ATF7IP2: variants seen among roughly 807,000 people sequenced by gnomAD.
ATF7IP2 encodes activating transcription factor 7 interacting protein 2, also known as activating transcription factor 7-interacting protein 2.
In ATF7IP2, 42 loss-of-function variants were observed where a neutral mutation model predicts 64.2. That is an observed-to-expected ratio of 0.65 (90% CI 0.51 to 0.85). The LOEUF is 0.85. ATF7IP2 is among the 40% of genes least tolerant of loss of function. The probability of loss-of-function intolerance (pLI) is 0.00; values close to 1 mark genes in which losing one functional copy is unlikely to be tolerated. For synonymous variants in ATF7IP2, 308 were observed against 272.8 expected, an observed-to-expected ratio of 1.13 and a Z score of -1.27; for missense variants, 933 against 784.2, an observed-to-expected ratio of 1.19 and a Z score of -2.27.
chr16:10,405,626 G>A (rs1048169469), intron 1 of ATF7IP2, among the ~76,000 whole-genome samples: 6 of 152,020 alleles, frequency 3.9e-5, no homozygotes, highest in Admixed American at 1.3e-4. Context: ...ACATCCTGCC[G>A]GACAAAAAGG....
intron 3 of ATF7IP2, among the ~76,000 whole-genome samples, chr16:10,428,441 A>C (rs1567447439): frequency 6.6e-6 from 1 of 152,194 alleles, no homozygotes; most frequent in Non-Finnish European, 1.5e-5. Flanking sequence ...CAATAGTAAG[A>C]TATTTTAAGT....
chr16:10,394,386 A>G (rs572783037), intron 1 of ATF7IP2, among the ~76,000 whole-genome samples: 1 of 152,334 alleles, frequency 6.6e-6, no homozygotes, highest in East Asian at 1.9e-4. Flanking sequence ...AAATGTATGA[A>G]GCAACTATTG....
intron 9 of ATF7IP2, among the ~76,000 whole-genome samples, chr16:10,459,439 G>C (rs2049296914): frequency 6.7e-6 from 1 of 149,962 alleles, no homozygotes; most frequent in Non-Finnish European, 1.5e-5. Flanking sequence ...CTGTGCTCCA[G>C]CCTGGGCGAC....
intron 6 of ATF7IP2, among the ~76,000 whole-genome samples, chr16:10,434,137 G>A (rs996078773): frequency 1.2e-4 from 19 of 152,110 alleles, no homozygotes; most frequent in African/African-American, 1.7e-4. Flanking sequence ...AAACTTAAAC[G>A]GATATGGTAC....
chr16:10,453,446 G>C (rs1408698586), intron 8 of ATF7IP2, among the ~76,000 whole-genome samples: 2 of 152,054 alleles, frequency 1.3e-5, no homozygotes, highest in Admixed American at 6.6e-5. Context: ...AGATGAACCA[G>C]GTACCTCAGT....
In ATF7IP2 at chr16:10,482,343, A is replaced by C. The variant is rs1596656631; in HGVS notation, c.*94A>C. ...ATTTGCCATTGTAAAAGGCCAGCTC[A>C]GATTGTGAGCCCTTTCTATTGGGAC... is the stretch of plus-strand genomic sequence containing the variant. On this transcript the variant is annotated 3_prime_UTR_variant, in exon 14 of 14. Coordinates refer to ENST00000562102, the MANE Select transcript of ATF7IP2 (RefSeq NM_001393719.1). The C allele has an allele frequency of 2.1e-6, 2 of 931,874 alleles. No homozygotes were observed. The highest frequency in any genetic ancestry group is 5.0e-5 in the East Asian group (2 of 39,616). 57.7% of individuals were successfully genotyped at this position (931,874 alleles called of 1,614,324 possible).
Position 10,442,275 on chromosome 16 carries a change from C to G in ATF7IP2, c.1194+1813C>G, listed in dbSNP as rs138733177. ...CCTTATGAAGAGAAACTTGTTTGTT[C>G]CTAACAATTTTCCCCCTCTTGAATT... is the stretch of plus-strand genomic sequence containing the variant. On this transcript the variant is annotated intron_variant, in intron 8 of 13. Transcript: ENST00000562102. 4.2e-3 allele frequency among the ~76,000 whole-genome samples: 646 copies of G among 152,276 alleles called. 2 individuals carry two copies. Among genetic ancestry groups the G allele is most frequent in the African/African-American group, 0.015 (623 of 41,548 alleles).
At chr16:10,405,942 A>T (rs1038450648) in intron 1 of ATF7IP2, among the ~76,000 whole-genome samples, 1 of 152,146 alleles carries the variant, frequency 6.6e-6, no homozygotes, top group Non-Finnish European at 1.5e-5. Context: ...AAAACAAACT[A>T]GCTGGGTGTG....
chr16:10,431,217 C>A lies in ATF7IP2; in HGVS notation c.597C>A (p.Phe199Leu), dbSNP rs541287771. Residue 199 changes from phenylalanine to leucine, a missense_variant, in exon 5 of 14, where the codon TTC (phenylalanine) becomes TTA (leucine). Physicochemically the swap from Phe to Leu is conservative, Grantham distance 22 (BLOSUM62 0). Transcript: ENST00000562102. ...ACAAGAAAACTGACCAGATGGTTTT[C>A]CATTTAGAAACAAACTCCAATTCAG... ...VGDKKTDQMVFHLETNSNSES... is the reference protein window; with the variant it reads ...VGDKKTDQMVLHLETNSNSES... 6.2e-7 allele frequency: 1 copy of A among 1,614,148 alleles called. No individual in the cohort carries two copies. The highest frequency in any genetic ancestry group is 8.5e-7 in the Non-Finnish European group (1 of 1,180,022).
At chr16:10,392,997 G>C (rs924531530) in intron 1 of ATF7IP2, among the ~76,000 whole-genome samples, 1 of 151,562 alleles carries the variant, frequency 6.6e-6, no homozygotes, top group African/African-American at 2.4e-5. Context: ...CAAAAGAAAA[G>C]AAAAATGAAG....
chr16:10,465,129 C>T (rs557746865), intron 9 of ATF7IP2, among the ~76,000 whole-genome samples: 59 of 152,308 alleles, frequency 3.9e-4, no homozygotes, highest in Middle Eastern at 3.4e-3. Context: ...CACGCCTGTC[C>T]ATCCTACTCA....
intron 6 of ATF7IP2, among the ~76,000 whole-genome samples, chr16:10,436,632 GTT>G (rs2048429227): frequency 6.6e-6 from 1 of 152,108 alleles, no homozygotes; most frequent in Admixed American, 6.6e-5. Flanking sequence ...CAATATAAGA[GTT>G]TAACGTAGGA....
chr16:10,434,885 C>A (rs1338266252), intron 6 of ATF7IP2, among the ~76,000 whole-genome samples: 2 of 152,174 alleles, frequency 1.3e-5, no homozygotes, highest in African/African-American at 4.8e-5. Context: ...GCTACCTCCA[C>A]CTCCTGAGTA....
At chr16:10,452,199 G>T (rs112440282) in intron 8 of ATF7IP2, among the ~76,000 whole-genome samples, 25 of 152,260 alleles carry the variant, frequency 1.6e-4, no homozygotes, top group African/African-American at 5.8e-4. Context: ...GAGAAGAGGC[G>T]TTCTTGTTTT....
intron 9 of ATF7IP2, among the ~76,000 whole-genome samples, chr16:10,470,853 ATG>A (rs34438899): frequency 0.16 from 17,913 of 109,230 alleles, 2,538 homozygotes; most frequent in African/African-American, 0.45. Flanking sequence ...GTGTATATAT[ATG>A]TGTGTGTGTG....
At chr16:10,419,338 G>C (rs2047944216) in intron 2 of ATF7IP2, among the ~76,000 whole-genome samples, 1 of 152,144 alleles carries the variant, frequency 6.6e-6, no homozygotes, top group South Asian at 2.1e-4. Flanking sequence ...CCTCATGTGG[G>C]TGAGACGGGC....
chr16:10,473,910 A>C lies in ATF7IP2; in HGVS notation c.1483-13A>C. ...GAGGCAAAGCTTTTTTTTTTTTTTT[A>C]CAATTTTTTTAGGCTGTACAGAAGA... On this transcript the variant is annotated splice_polypyrimidine_tract_variant and intron_variant, in intron 11 of 13. Coordinates refer to ENST00000562102, the MANE Select transcript of ATF7IP2 (RefSeq NM_001393719.1). 1.9e-6 allele frequency: 2 copies of C among 1,056,854 alleles called. No homozygotes were observed. Among genetic ancestry groups the C allele is most frequent in the East Asian group, 3.3e-5 (1 of 30,240 alleles). 65.5% of individuals were successfully genotyped at this position (1,056,854 alleles called of 1,614,324 possible).
Position 10,473,929 on chromosome 16 carries a change from C to G in ATF7IP2, c.1489C>G (p.Gln497Glu). The G allele has an allele frequency of 7.4e-7, 1 of 1,347,756 alleles. No individual in the cohort carries two copies. Among genetic ancestry groups the G allele is most frequent in the Non-Finnish European group, 1.0e-6 (1 of 980,232 alleles). 83.5% of individuals were successfully genotyped at this position (1,347,756 alleles called of 1,614,324 possible). ...NSPNAEVMAVQKKLDSIIDLT... is the reference protein window; with the variant it reads ...NSPNAEVMAVEKKLDSIIDLT... ...TTTTTTACAATTTTTTTAGGCTGTA[C>G]AGAAGAAACTTGATTCTATAATTGA... is the stretch of plus-strand genomic sequence containing the variant. The change falls in exon 12 of 14, where the codon CAG becomes GAG. Residue 497 changes from glutamine (Q) to glutamate (E), a missense_variant. Gln to Glu is a conservative substitution (Grantham distance 29). Transcript: ENST00000562102.
intron 4 of ATF7IP2, among the ~76,000 whole-genome samples, chr16:10,429,850 T>G (rs908823530): frequency 6.7e-5 from 10 of 150,142 alleles, no homozygotes; most frequent in African/African-American, 2.4e-4. Flanking sequence ...TTATTTTATT[T>G]TTATTTTATT....
Sources: gnomAD v4.1 joint callset for allele counts (sites outside exome capture counted in the v4.1 genomes callset) on GRCh38, gnomAD v4.1.1 for gene constraint, MANE v1.5 for transcripts, NCBI Gene and HGNC (gene_info 2026-07-23, HGNC 2026-07-21) for gene names.